Variants in CYP20A1 observed in about 807,000 individuals in gnomAD.
CYP20A1 encodes the protein cytochrome P450 family 20 subfamily A member 1.
Under a neutral mutation model 61.4 loss-of-function variants are expected in CYP20A1, and 61 were observed. The ratio of observed to expected loss-of-function variants is 0.99; its 90% CI spans 0.81 to 1.23. The LOEUF (loss-of-function observed/expected upper bound fraction) is 1.23, where lower values mean the gene tolerates loss of function less well. CYP20A1 is among the 50% of genes most tolerant of loss of function. The pLI is 0.00. For synonymous variants in CYP20A1, 193 were observed against 188.2 expected (o/e 1.03, Z -0.21); for missense variants, 530 against 542.4 (o/e 0.98, Z 0.23).
At chr2:203,283,982 G>A (rs988846722) in intron 8 of CYP20A1, among the ~76,000 whole-genome samples, 2 of 152,160 alleles carry the variant, frequency 1.3e-5, no homozygotes, top group African/African-American at 2.4e-5. Flanking sequence ...ATTGTACACT[G>A]CACAAGTTTT....
In CYP20A1 at chr2:203,297,179, G is replaced by T; in HGVS notation, c.*271G>T. On this transcript the variant is annotated 3_prime_UTR_variant, in exon 13 of 13. Transcript: ENST00000356079. Reference sequence around the variant, plus strand: ...TTTCACTTTCTATGCCATTATTTTTGTATTCTTTTTCTTAGTGTGAGCTCT... The same window carrying T: ...TTTCACTTTCTATGCCATTATTTTTTTATTCTTTTTCTTAGTGTGAGCTCT... 1 of 220,816 alleles carries T rather than the reference G, an allele frequency of 4.5e-6. No homozygotes were observed. Among genetic ancestry groups the T allele is most frequent in the Non-Finnish European group, 8.9e-6 (1 of 112,640 alleles). 13.7% of individuals were successfully genotyped at this position (220,816 alleles called of 1,614,324 possible). A position where few individuals can be genotyped will look rare whatever the true frequency, so the allele number is the denominator to read the frequency against.
chr2:203,257,073 C>T (rs1249506241), intron 4 of CYP20A1, among the ~76,000 whole-genome samples: 1 of 151,416 alleles, frequency 6.6e-6, no homozygotes, highest in Non-Finnish European at 1.5e-5. Context: ...CTCACCATGT[C>T]GCCCAGGCTG....
intron 6 of CYP20A1, among the ~76,000 whole-genome samples, chr2:203,274,429 G>A (rs978161957): frequency 1.6e-4 from 25 of 151,886 alleles, no homozygotes; most frequent in Admixed American, 9.9e-4. Context: ...TGGGTGATCC[G>A]CCCGCCTCAG....
chr2:203,267,447 T>C (rs1559095641), intron 5 of CYP20A1, among the ~76,000 whole-genome samples: 1 of 150,732 alleles, frequency 6.6e-6, no homozygotes, highest in Non-Finnish European at 1.5e-5. Flanking sequence ...GGCACCAGAA[T>C]TGCCTGAACC....
intron 4 of CYP20A1, among the ~76,000 whole-genome samples, chr2:203,263,535 G>T (rs1408631006): frequency 6.6e-6 from 1 of 151,536 alleles, no homozygotes; most frequent in East Asian, 1.9e-4. Flanking sequence ...TGATCTGCCC[G>T]CCTCGGCCCC....
At chr2:203,250,745 T>C (rs758139926) in intron 3 of CYP20A1, among the ~76,000 whole-genome samples, 26 of 152,168 alleles carry the variant, frequency 1.7e-4, no homozygotes, top group Non-Finnish European at 3.2e-4. Flanking sequence ...CTGACAGATT[T>C]TTCTGTCTCT....
intron 4 of CYP20A1, among the ~76,000 whole-genome samples, chr2:203,254,336 G>C (rs886657489): frequency 6.6e-6 from 1 of 152,052 alleles, no homozygotes; most frequent in African/African-American, 2.4e-5. Flanking sequence ...CTTGAGGTCA[G>C]GAGTTCGAGA....
chr2:203,252,220 A>T (rs1007522018), intron 4 of CYP20A1, 111 bp downstream of exon 4: 1 of 803,848 alleles, frequency 1.2e-6, no homozygotes, highest in East Asian at 3.2e-5. Context: ...TGTCCCTCTA[A>T]GCTAATTTTA....
intron 4 of CYP20A1, among the ~76,000 whole-genome samples, chr2:203,255,426 A>T (rs1462369919): frequency 1.3e-5 from 2 of 152,216 alleles, no homozygotes; most frequent in Admixed American, 6.5e-5. Flanking sequence ...TATTATTATG[A>T]GATTTTTCCA....
intron 8 of CYP20A1, among the ~76,000 whole-genome samples, chr2:203,281,459 T>C (rs2068038232): frequency 6.6e-6 from 1 of 152,050 alleles, no homozygotes; most frequent in Non-Finnish European, 1.5e-5. Flanking sequence ...CAGTGAGCCA[T>C]GATTGCACCA....
chr2:203,246,838 T>A lies in CYP20A1; in HGVS notation c.206T>A (p.Val69Asp). The A allele has an allele frequency of 6.2e-7, 1 of 1,614,140 alleles. No homozygotes were observed. Among genetic ancestry groups the A allele is most frequent in the South Asian group, 1.1e-5 (1 of 91,084 alleles). ...TTGCATGAGAGATATGGGCCTGTGG[T>A]CTCCTTCTGGTTTGGCAGGCGCCTC... ...VNLHERYGPV[V>D]SFWFGRRLVV... is the part of the protein sequence containing the mutation. Residue 69 changes from valine (V) to aspartate (D), a missense_variant, in exon 3 of 13, where the codon GTC (valine) becomes GAC (aspartate). Transcript: ENST00000356079.
chr2:203,274,288 C>T (rs1004641072), intron 6 of CYP20A1, among the ~76,000 whole-genome samples: 5 of 151,422 alleles, frequency 3.3e-5, no homozygotes, highest in African/African-American at 1.2e-4. Flanking sequence ...TGGATTCAAG[C>T]GATTCTTCTG....
At chr2:203,266,717 G>A (rs2067337658) in intron 5 of CYP20A1, 36 bp downstream of exon 5, 1 of 1,579,990 alleles carries the variant, frequency 6.3e-7, no homozygotes, top group Admixed American at 1.7e-5. Context: ...TACTCTTTCA[G>A]GCTGGGCACG....
chr2:203,244,271 A>C (rs2066369725), intron 1 of CYP20A1, among the ~76,000 whole-genome samples: 1 of 151,840 alleles, frequency 6.6e-6, no homozygotes, highest in African/African-American at 2.4e-5. Flanking sequence ...GTGCAATCAC[A>C]GCTCACTGCA....
chr2:203,280,796 C>G (rs551837143), intron 8 of CYP20A1, among the ~76,000 whole-genome samples: 1 of 152,288 alleles, frequency 6.6e-6, no homozygotes, highest in East Asian at 1.9e-4. Context: ...CACATAAGTG[C>G]TTTTTTTCTT....
At chr2:203,245,295 G>C (rs2066422172) in intron 1 of CYP20A1, among the ~76,000 whole-genome samples, 1 of 151,906 alleles carries the variant, frequency 6.6e-6, no homozygotes. Context: ...CAAAGTGCTG[G>C]GATTACAGGC....
At chr2:203,275,875 A>G (rs1224863855) in intron 6 of CYP20A1, among the ~76,000 whole-genome samples, 1 of 152,254 alleles carries the variant, frequency 6.6e-6, no homozygotes, top group Non-Finnish European at 1.5e-5. Flanking sequence ...GTGGCACCAC[A>G]TTCTAGTGGG....
intron 1 of CYP20A1, among the ~76,000 whole-genome samples, chr2:203,240,302 C>T (rs1349326420): frequency 6.6e-6 from 1 of 152,190 alleles, no homozygotes; most frequent in Non-Finnish European, 1.5e-5. Flanking sequence ...AGAAACTAAA[C>T]AATTTTAGTG....
chr2:203,301,676 A>T lies in CYP20A1; in HGVS notation c.*4768A>T, dbSNP rs2069026950. On this transcript the variant is annotated 3_prime_UTR_variant, in exon 13 of 13. Coordinates refer to ENST00000356079, the MANE Select transcript of CYP20A1 (RefSeq NM_177538.3). ...GTGTTTGGGAAAATTAAAAAAACTT[A>T]CATAGTGCTTATTTGGCCCACAAAA... 6.6e-6 allele frequency among the ~76,000 whole-genome samples: 1 copy of T among 152,158 alleles called. No homozygotes were observed. Among genetic ancestry groups the T allele is most frequent in the South Asian group, 2.1e-4 (1 of 4,836 alleles).
Sources: gnomAD v4.1 joint callset for allele counts (sites outside exome capture counted in the v4.1 genomes callset) on GRCh38, gnomAD v4.1.1 for gene constraint, MANE v1.5 for transcripts, NCBI Gene and HGNC (gene_info 2026-07-23, HGNC 2026-07-21) for gene names.